Variants in FGGY observed in about 807,000 individuals in gnomAD.
FGGY encodes FGGY carbohydrate kinase domain containing, also known as FGGY carbohydrate kinase domain-containing protein.
Under a neutral mutation model 71.3 loss-of-function variants are expected in FGGY, and 72 were observed. The observed-to-expected ratio is 1.01, with a 90% CI of 0.84 to 1.23. The LOEUF (loss-of-function observed/expected upper bound fraction) is 1.23, where lower values mean the gene tolerates loss of function less well. Among genes scored for constraint, FGGY ranks in the 50% most tolerant of loss-of-function variants. The pLI is 0.00. For synonymous variants in FGGY, 251 were observed against 250.3 expected (o/e 1.00, Z -0.02); for missense variants, 668 against 682.3 (o/e 0.98, Z 0.23).
chr1:59,385,705 G>GA (rs1417281457), intron 5 of FGGY, among the ~76,000 whole-genome samples: 1 of 151,988 alleles, frequency 6.6e-6, no homozygotes, highest in East Asian at 1.9e-4. Context: ...GTACAAAATA[G>GA]AAAAAAATCA....
chr1:59,441,173 G>A (rs1483964143), intron 5 of FGGY, among the ~76,000 whole-genome samples: 1 of 151,946 alleles, frequency 6.6e-6, no homozygotes, highest in African/African-American at 2.4e-5. Flanking sequence ...GCTAATCAAG[G>A]GAGAAGACCT....
intron 10 of FGGY, among the ~76,000 whole-genome samples, chr1:59,636,267 G>T (rs914879990): frequency 2.0e-5 from 3 of 152,092 alleles, no homozygotes; most frequent in Non-Finnish European, 4.4e-5. Context: ...TGCTCACACA[G>T]AGCAGCTTTG....
chr1:59,623,615 A>G (rs1336823150), intron 9 of FGGY, among the ~76,000 whole-genome samples: 2 of 152,064 alleles, frequency 1.3e-5, no homozygotes, highest in African/African-American at 2.4e-5. Flanking sequence ...TCATGTCTCT[A>G]CTAACCAGCC....
At chr1:59,314,029 C>T (rs2044907175) in intron 1 of FGGY, among the ~76,000 whole-genome samples, 1 of 151,794 alleles carries the variant, frequency 6.6e-6, no homozygotes, top group Non-Finnish European at 1.5e-5. Context: ...TGCGGTAGCG[C>T]AATCTCGCTC....
intron 7 of FGGY, among the ~76,000 whole-genome samples, chr1:59,553,544 A>G (rs977043927): frequency 2.6e-5 from 4 of 152,098 alleles, no homozygotes; most frequent in Non-Finnish European, 4.4e-5. Flanking sequence ...TCTCCTTCAC[A>G]ATTGGAGTTC....
At chr1:59,542,445 C>CTTTT (rs754831417) in intron 7 of FGGY, among the ~76,000 whole-genome samples, 346 of 34,280 alleles carry the variant, frequency 0.01, 71 homozygotes, top group East Asian at 0.013. Flanking sequence ...ATGTTCTTTA[C>CTTTT]TTTTTTTTTT....
intron 14 of FGGY, chr1:59,699,227 G>T: frequency 1.0e-6 from 1 of 985,024 alleles, no homozygotes; most frequent in Non-Finnish European, 1.2e-6. Context: ...TTTTTTTTCT[G>T]GCTAAAAAAT....
At chr1:59,581,657 T>C (rs538004267) in intron 8 of FGGY, among the ~76,000 whole-genome samples, 1 of 150,162 alleles carries the variant, frequency 6.7e-6, no homozygotes, top group East Asian at 1.9e-4. Flanking sequence ...TAAAAGTCAG[T>C]GGACATTTGT....
chr1:59,746,708 C>G (rs2098201334), intron 14 of FGGY, among the ~76,000 whole-genome samples: 1 of 152,094 alleles, frequency 6.6e-6, no homozygotes, highest in African/African-American at 2.4e-5. Context: ...CTTGCCCAGG[C>G]TGGTTTCAAA....
chr1:59,707,925 A>G (rs897806855), intron 14 of FGGY, among the ~76,000 whole-genome samples: 6 of 152,210 alleles, frequency 3.9e-5, no homozygotes, highest in African/African-American at 1.4e-4. Flanking sequence ...ATATGTTTGT[A>G]TACCTGTTCT....
Position 59,456,968 on chromosome 1 carries a change from T to G in FGGY, c.562T>G (p.Cys188Gly). 6.2e-7 allele frequency: 1 copy of G among 1,612,730 alleles called. No homozygotes were observed. The highest frequency in any genetic ancestry group is 8.5e-7 in the Non-Finnish European group (1 of 1,178,728). ...KATGVTARSLCSLVCKWTYSA... is the reference protein window; with the variant it reads ...KATGVTARSLGSLVCKWTYSA... ...TCTCTTCTATTTTCTTAGGTCTCTCTGCTCCCTGGTGTGTAAGTGGACATA... is the reference window on the plus strand; with the variant it reads ...TCTCTTCTATTTTCTTAGGTCTCTCGGCTCCCTGGTGTGTAAGTGGACATA... The change falls in exon 6 of 16, where the codon TGC (cysteine) becomes GGC (glycine). Residue 188 changes from cysteine to glycine, a missense_variant. Physicochemically the swap from Cys to Gly is radical, Grantham distance 159 (BLOSUM62 -3). Transcript: ENST00000303721.
chr1:59,626,099 G>A, intron 10 of FGGY, 50 bp downstream of exon 10: 1 of 1,521,654 alleles, frequency 6.6e-7, no homozygotes, highest in Non-Finnish European at 9.1e-7. Flanking sequence ...TGACTGTATT[G>A]AGAGAATTCA....
At chr1:59,394,285 A>C (rs2061052042) in intron 5 of FGGY, among the ~76,000 whole-genome samples, 1 of 152,184 alleles carries the variant, frequency 6.6e-6, no homozygotes, top group Non-Finnish European at 1.5e-5. Flanking sequence ...TCACTATTGT[A>C]CTTAATCTCA....
chr1:59,371,382 T>C (rs186189231), intron 4 of FGGY, among the ~76,000 whole-genome samples: 2 of 152,274 alleles, frequency 1.3e-5, no homozygotes, highest in African/African-American at 4.8e-5. Flanking sequence ...ATGCACCCAA[T>C]ACAGGAACAC....
intron 14 of FGGY, among the ~76,000 whole-genome samples, chr1:59,751,704 A>C (rs1346497084): frequency 6.6e-6 from 1 of 152,196 alleles, no homozygotes; most frequent in Non-Finnish European, 1.5e-5. Flanking sequence ...TTATTTTCCC[A>C]ATCCTTGTCT....
chr1:59,637,427 G>C (rs1273962851), intron 10 of FGGY, among the ~76,000 whole-genome samples: 1 of 152,056 alleles, frequency 6.6e-6, no homozygotes, highest in Non-Finnish European at 1.5e-5. Flanking sequence ...GAGGTCAGGG[G>C]TTTGAGACCA....
chr1:59,509,489 G>A (rs1185376478), intron 6 of FGGY, among the ~76,000 whole-genome samples: 1 of 152,116 alleles, frequency 6.6e-6, no homozygotes, highest in East Asian at 1.9e-4. Context: ...CTTAAGTATG[G>A]ATTACAAGGC....
chr1:59,630,368 C>T (rs935859575), intron 10 of FGGY, among the ~76,000 whole-genome samples: 3 of 152,068 alleles, frequency 2.0e-5, no homozygotes, highest in South Asian at 2.1e-4. Context: ...AAGCAGCATA[C>T]GTCAGTCATT....
intron 8 of FGGY, among the ~76,000 whole-genome samples, chr1:59,589,431 G>C (rs1033135371): frequency 6.6e-6 from 1 of 152,132 alleles, no homozygotes; most frequent in Non-Finnish European, 1.5e-5. Context: ...TCTGCACCAA[G>C]CGGACCTAAT....
Sources: gnomAD v4.1 joint callset for allele counts (sites outside exome capture counted in the v4.1 genomes callset) on GRCh38, gnomAD v4.1.1 for gene constraint, MANE v1.5 for transcripts, NCBI Gene and HGNC (gene_info 2026-07-23, HGNC 2026-07-21) for gene names.